Variants in RAP1GAP observed in about 807,000 individuals in gnomAD.
RAP1GAP encodes the protein rap1 GTPase-activating protein 1.
Under a neutral mutation model 87.2 loss-of-function variants are expected in RAP1GAP, and 35 were observed. The observed-to-expected ratio is 0.40, with a 90% CI of 0.31 to 0.53. RAP1GAP has a LOEUF of 0.53. Among genes scored for constraint, RAP1GAP ranks in the 20% least tolerant of loss-of-function variants. RAP1GAP has a pLI of 0.48. For missense variants in RAP1GAP, 734 were observed against 898.9 expected, an observed-to-expected ratio of 0.82 and a Z score of 2.35; for synonymous variants, 375 against 363.9, an observed-to-expected ratio of 1.03 and a Z score of -0.35.
At chr1:21,642,875 T>TACACACACACACACACAC (rs61497285) in intron 2 of RAP1GAP, among the ~76,000 whole-genome samples, 10 of 134,308 alleles carry the variant, frequency 7.4e-5, no homozygotes, top group African/African-American at 1.7e-4. Flanking sequence ...CCTTCCCCAC[T>TACACACACACACACACAC]ACACACACAC....
intron 2 of RAP1GAP, among the ~76,000 whole-genome samples, chr1:21,639,169 G>C (rs576718960): frequency 2.0e-5 from 3 of 152,222 alleles, no homozygotes; most frequent in Admixed American, 6.5e-5. Flanking sequence ...CTCCTAGCGC[G>C]GGCTCCATGC....
chr1:21,600,104 G>A (rs1250101474), intron 20 of RAP1GAP, among the ~76,000 whole-genome samples: 3 of 152,124 alleles, frequency 2.0e-5, no homozygotes, highest in South Asian at 4.1e-4. Flanking sequence ...GAGGGCAGGG[G>A]TTGAGGTCCA....
Position 21,663,780 on chromosome 1 carries a change from C to T in RAP1GAP, c.-149+5474G>A, listed in dbSNP as rs922229407. 6.6e-5 allele frequency among the ~76,000 whole-genome samples: 10 copies of T among 152,204 alleles called. No homozygotes were observed. In the East Asian group the frequency reaches 7.7e-4, roughly 12 times the overall value. Reference sequence around the variant, plus strand: ...CTGGCTGCGGCAGACACATGGCTCCCGTGGCCTTGAGAAGGTCACAGCCTC... The same window carrying T: ...CTGGCTGCGGCAGACACATGGCTCCTGTGGCCTTGAGAAGGTCACAGCCTC... On this transcript the variant is annotated intron_variant, in intron 1 of 24. Coordinates refer to ENST00000374765, the MANE Select transcript of RAP1GAP (RefSeq NM_002885.4).
intron 21 of RAP1GAP, among the ~76,000 whole-genome samples, chr1:21,598,850 C>T (rs1313625697): frequency 1.3e-5 from 2 of 152,284 alleles, no homozygotes; most frequent in Non-Finnish European, 2.9e-5. Flanking sequence ...ATTCTAGACT[C>T]TGTGCCCCAG....
intron 22 of RAP1GAP, 50 bp downstream of exon 22, chr1:21,598,350 C>T (rs1167557812): frequency 5.9e-6 from 9 of 1,517,662 alleles, no homozygotes; most frequent in South Asian, 3.4e-5. Flanking sequence ...CTGTCCCCCT[C>T]CTACCCCAAG....
chr1:21,611,454 G>A lies in RAP1GAP; in HGVS notation c.841C>T (p.Gln281Ter). 6.2e-7 allele frequency: 1 copy of A among 1,613,192 alleles called. No homozygotes were observed. The highest frequency in any genetic ancestry group is 1.1e-5 in the South Asian group (1 of 90,994). ...KLPYTEGDAQ[Q>*]LQRKRHIGND... ...GCAGGTGGGGGTGCCCAGGCTACCT[G>A]CTGGGCGTCCCCTTCCGTGTATGGC... The change falls in exon 13 of 25, where the codon CAG becomes TAG. Residue 281 changes from glutamine to a stop codon, truncating the protein, a stop_gained and splice_region_variant. Transcript: ENST00000374765. LOFTEE classifies it high-confidence loss of function.
intron 1 of RAP1GAP, among the ~76,000 whole-genome samples, chr1:21,667,091 GTTGTTTGCACAGCACA>G (rs879337349): frequency 1.3e-5 from 2 of 152,154 alleles, no homozygotes; most frequent in Admixed American, 1.3e-4. Flanking sequence ...TCAGGTCTCG[GTTGTTTGCACAGCACA>G]TGCGGCTGCT....
rs760946952 is a variant in RAP1GAP at position 21,598,369 on chromosome 1, G to T, written c.1879+31C>A. The T allele has an allele frequency of 2.5e-6, 4 of 1,571,154 alleles. No homozygotes were observed. In the South Asian group the frequency reaches 4.4e-5, roughly 17 times the overall value. Reference sequence around the variant, plus strand: ...CCCCCTCCTACCCCAAGGTAGCCCTGCTTTGTGGGGAAGCTGCCTTGTCCT... The same window carrying T: ...CCCCCTCCTACCCCAAGGTAGCCCTTCTTTGTGGGGAAGCTGCCTTGTCCT... On this transcript the variant is annotated intron_variant, in intron 22 of 24. Coordinates refer to ENST00000374765, the MANE Select transcript of RAP1GAP (RefSeq NM_002885.4).
chr1:21,650,069 G>A (rs2096439564), intron 1 of RAP1GAP, among the ~76,000 whole-genome samples: 2 of 151,900 alleles, frequency 1.3e-5, no homozygotes, highest in Non-Finnish European at 2.9e-5. Flanking sequence ...GGTGTTAGCA[G>A]GGGTGGGGGG....
chr1:21,645,172 T>C (rs1406624963), intron 2 of RAP1GAP, among the ~76,000 whole-genome samples: 1 of 152,208 alleles, frequency 6.6e-6, no homozygotes, highest in Non-Finnish European at 1.5e-5. Context: ...GCTGGATGAA[T>C]AAATGATGAA....
At chr1:21,658,447 A>G (rs1205109072) in intron 1 of RAP1GAP, among the ~76,000 whole-genome samples, 1 of 152,156 alleles carries the variant, frequency 6.6e-6, no homozygotes, top group African/African-American at 2.4e-5. Context: ...ATGCGCCTGT[A>G]GTCTCAGCTA....
intron 2 of RAP1GAP, among the ~76,000 whole-genome samples, chr1:21,632,425 A>T (rs16825749): frequency 1.3e-5 from 2 of 152,034 alleles, no homozygotes; most frequent in Admixed American, 6.5e-5. Flanking sequence ...CGGAACTGGA[A>T]TGGAGATAAG....
At chr1:21,654,465 G>GGATTA (rs1206932773) in intron 1 of RAP1GAP, among the ~76,000 whole-genome samples, 1 of 152,216 alleles carries the variant, frequency 6.6e-6, no homozygotes, top group Non-Finnish European at 1.5e-5. Context: ...GTTTTGCCAA[G>GGATTA]GATTACATAA....
At chr1:21,616,627 C>T (rs774912573) in intron 7 of RAP1GAP, among the ~76,000 whole-genome samples, 11 of 152,338 alleles carry the variant, frequency 7.2e-5, no homozygotes, top group African/African-American at 2.4e-4. Context: ...CACACATTCC[C>T]GGCATGGGAC....
chr1:21,649,579 C>T (rs2096391013), intron 2 of RAP1GAP, among the ~76,000 whole-genome samples, 182 bp downstream of exon 2: 1 of 152,090 alleles, frequency 6.6e-6, no homozygotes, highest in Non-Finnish European at 1.5e-5. Context: ...TGCCTGCCTC[C>T]AAGGCTCTCT....
intron 3 of RAP1GAP, among the ~76,000 whole-genome samples, chr1:21,623,740 A>G (rs540452053): frequency 6.6e-6 from 1 of 152,328 alleles, no homozygotes; most frequent in East Asian, 1.9e-4. Context: ...AACAGCAAAT[A>G]TTGATTTATG....
At chr1:21,602,966 C>A in intron 18 of RAP1GAP, 53 bp from the exon 19 acceptor site, 2 of 1,330,280 alleles carry the variant, frequency 1.5e-6, no homozygotes, top group Non-Finnish European at 2.1e-6. Context: ...CCCCAGTGCC[C>A]CCCCCACATC....
chr1:21,621,153 C>A (rs1477717520), intron 3 of RAP1GAP, among the ~76,000 whole-genome samples: 1 of 152,198 alleles, frequency 6.6e-6, no homozygotes, highest in Non-Finnish European at 1.5e-5. Context: ...CAGGTCTGCA[C>A]ACCAGTAACT....
At chr1:21,654,916 A>G (rs563866915) in intron 1 of RAP1GAP, among the ~76,000 whole-genome samples, 2 of 152,146 alleles carry the variant, frequency 1.3e-5, no homozygotes, top group African/African-American at 4.8e-5. Context: ...CAAGTCGGGT[A>G]GATCACTTGA....
Sources: gnomAD v4.1 joint callset for allele counts (sites outside exome capture counted in the v4.1 genomes callset) on GRCh38, gnomAD v4.1.1 for gene constraint, MANE v1.5 for transcripts, NCBI Gene and HGNC (gene_info 2026-07-23, HGNC 2026-07-21) for gene names.